The following OLFM3 variants were observed in gnomAD, a reference collection of about 807,000 sequenced individuals.
OLFM3 encodes the protein olfactomedin 3.
In OLFM3, 20 loss-of-function variants were observed where a neutral mutation model predicts 48.6. The observed-to-expected ratio is 0.41, with a 90% CI of 0.29 to 0.60. The LOEUF is 0.60. Ranked by LOEUF, OLFM3 falls within the 20% of genes least tolerant of loss-of-function variation. OLFM3 has a pLI of 0.28. For missense variants in OLFM3, 437 were observed against 544.3 expected (o/e 0.80, Z 1.96); for synonymous variants, 222 against 198.1 (o/e 1.12, Z -1.01).
At chr1:101,986,155 C>T (rs1410299308) in intron 1 of OLFM3, among the ~76,000 whole-genome samples, 6 of 151,892 alleles carry the variant, frequency 4.0e-5, no homozygotes, top group Admixed American at 2.6e-4. Context: ...TTAGTAGAGA[C>T]GGGGTTTCAC....
chr1:101,812,527 G>A (rs1359514654), intron 4 of OLFM3: 1 of 985,194 alleles, frequency 1.0e-6, no homozygotes, highest in Non-Finnish European at 1.2e-6. Context: ...TTGATTAGTT[G>A]AAACCTGAAC....
At chr1:101,825,542 A>G (rs1654821545) in intron 3 of OLFM3, among the ~76,000 whole-genome samples, 1 of 152,186 alleles carries the variant, frequency 6.6e-6, no homozygotes, top group Admixed American at 6.5e-5. Flanking sequence ...ACTATATACT[A>G]TTTCATTTTC....
intron 1 of OLFM3, among the ~76,000 whole-genome samples, chr1:101,952,170 G>A (rs894218125): frequency 2.0e-5 from 3 of 152,004 alleles, no homozygotes; most frequent in South Asian, 2.1e-4. Context: ...CCAGCCTTCA[G>A]GACTTAGTTC....
chr1:101,902,933 G>T (rs1463126746), intron 1 of OLFM3, among the ~76,000 whole-genome samples: 8 of 152,086 alleles, frequency 5.3e-5, no homozygotes, highest in Non-Finnish European at 1.2e-4. Context: ...TGACCACCTT[G>T]CTGGGTGAGT....
At chr1:101,941,395 CAGGGGTCTCCTGGCAATATGCCAGCAG>C (rs1351559001) in intron 1 of OLFM3, among the ~76,000 whole-genome samples, 1 of 152,062 alleles carries the variant, frequency 6.6e-6, no homozygotes, top group African/African-American at 2.4e-5. Context: ...GGGAATCTCC[CAGGGGTCTCCTGGCAATATGCCAGCAG>C]AGAGGTCATT....
chr1:101,876,474 G>A (rs1489700985), intron 1 of OLFM3, among the ~76,000 whole-genome samples: 1 of 151,976 alleles, frequency 6.6e-6, no homozygotes, highest in Non-Finnish European at 1.5e-5. Flanking sequence ...TCTCTGGGAT[G>A]AAGAATGTCT....
chr1:101,863,245 A>T (rs1028149284), intron 1 of OLFM3, among the ~76,000 whole-genome samples: 1 of 152,136 alleles, frequency 6.6e-6, no homozygotes, highest in East Asian at 1.9e-4. Flanking sequence ...AAGTGCTGGG[A>T]TTATAGGCAT....
chr1:101,812,993 T>C, intron 4 of OLFM3: 1 of 1,085,046 alleles, frequency 9.2e-7, no homozygotes, highest in Non-Finnish European at 1.1e-6. Context: ...AACCATTTAC[T>C]GTGAACTTAT....
At chr1:101,967,194 G>T (rs888070896) in intron 1 of OLFM3, among the ~76,000 whole-genome samples, 2 of 151,830 alleles carry the variant, frequency 1.3e-5, no homozygotes, top group African/African-American at 4.8e-5. Context: ...AGTAATTTGG[G>T]CTTCTTGTTT....
At chr1:101,957,410 T>C (rs994248473) in intron 1 of OLFM3, among the ~76,000 whole-genome samples, 1 of 151,950 alleles carries the variant, frequency 6.6e-6, no homozygotes, top group African/African-American at 2.4e-5. Context: ...GTGCTGCTGG[T>C]GTTTTGGATT....
At position 101,832,613 on chromosome 1, in the gene OLFM3, C is replaced by G. The variant is rs774290453; in HGVS notation, c.217-1786G>C. 2.0e-5 allele frequency among the ~76,000 whole-genome samples: 3 copies of G among 152,198 alleles called. No individual in the cohort carries two copies. In the East Asian group the frequency reaches 5.8e-4, roughly 29 times the overall value. On this transcript the variant is annotated intron_variant, in intron 2 of 5. Transcript: ENST00000370103. ...TTTGTGAGCTCCATGAGGTTAGAAG[C>G]TGTGTCTTACTCATATCTTCCATTT...
chr1:101,815,248 C>A (rs969663694), intron 4 of OLFM3, among the ~76,000 whole-genome samples: 15 of 151,916 alleles, frequency 9.9e-5, no homozygotes, highest in Non-Finnish European at 1.2e-4. Flanking sequence ...AGATCGAGAC[C>A]ATCCTGGCTA....
rs1378547924 is a variant in OLFM3 at position 101,806,082 on chromosome 1, G to A, written c.693C>T (p.Asn231=). The change falls in exon 5 of 6, where the codon AAC becomes AAT. Residue 231 remains asparagine (N), a synonymous_variant. Transcript: ENST00000370103. ...GTTTGTGGGAGAAACATACTCTGTT[G>A]TTTTTCTCAGATGCTAAAGGGTCTG... ...WMTDPLASEK[N]NRVWYMDSYT... is the part of the protein sequence containing the mutation. 3.1e-6 allele frequency: 5 copies of A among 1,609,992 alleles called. No homozygotes were observed. In the African/African-American group the frequency reaches 4.0e-5, roughly 13 times the overall value.
rs571233420 is a variant in OLFM3, at chr1:101,958,500, C to T, written c.69+38248G>A. Among the ~76,000 whole-genome samples the T allele has an allele frequency of 2.1e-4, 32 of 152,148 alleles. No individual in the cohort carries two copies. In the South Asian group the frequency reaches 6.2e-3, roughly 30 times the overall value. ...TTCCACTATTTGAGAGTTCTGTCTA[C>T]AATACCACATTGTAGATTTGGGGAC... is the stretch of plus-strand genomic sequence containing the variant. On this transcript the variant is annotated intron_variant, in intron 1 of 5. Transcript: ENST00000370103.
At chr1:101,984,550 G>A (rs796603788) in intron 1 of OLFM3, among the ~76,000 whole-genome samples, 27 of 152,124 alleles carry the variant, frequency 1.8e-4, no homozygotes, top group African/African-American at 6.3e-4. Flanking sequence ...GGCGTCTGCC[G>A]CCATGCCCAG....
chr1:101,981,756 A>G (rs1661111653), intron 1 of OLFM3, among the ~76,000 whole-genome samples: 1 of 152,202 alleles, frequency 6.6e-6, no homozygotes, highest in Non-Finnish European at 1.5e-5. Context: ...AAATTTTGGG[A>G]ATTATTTCCC....
intron 1 of OLFM3, among the ~76,000 whole-genome samples, chr1:101,856,742 C>A (rs1376266619): frequency 6.6e-6 from 1 of 151,954 alleles, no homozygotes; most frequent in East Asian, 1.9e-4. Flanking sequence ...CAAGTGCATT[C>A]TTTGGGGCAG....
At chr1:101,942,450 T>A (rs1289412944) in intron 1 of OLFM3, among the ~76,000 whole-genome samples, 1 of 152,202 alleles carries the variant, frequency 6.6e-6, no homozygotes, top group Non-Finnish European at 1.5e-5. Context: ...TCTCCTAATA[T>A]AATTCATATA....
intron 1 of OLFM3, among the ~76,000 whole-genome samples, chr1:101,882,051 C>A (rs998432574): frequency 5.3e-5 from 8 of 150,370 alleles, no homozygotes; most frequent in African/African-American, 2.0e-4. Flanking sequence ...TAAATCTAAT[C>A]TTATTAGAAA....
Sources: gnomAD v4.1 joint callset for allele counts (sites outside exome capture counted in the v4.1 genomes callset) on GRCh38, gnomAD v4.1.1 for gene constraint, MANE v1.5 for transcripts, NCBI Gene and HGNC (gene_info 2026-07-23, HGNC 2026-07-21) for gene names.